The following FYCO1 variants were observed in gnomAD, a reference collection of about 807,000 sequenced individuals.
The protein encoded by FYCO1 is FYVE and coiled-coil domain autophagy adaptor 1.
In FYCO1, 122 loss-of-function variants were observed where a neutral mutation model predicts 165.1. The ratio of observed to expected loss-of-function variants is 0.74; its 90% confidence interval spans 0.64 to 0.86. The LOEUF (loss-of-function observed/expected upper bound fraction) is 0.86. Ranked by LOEUF, FYCO1 falls within the 40% of genes least tolerant of loss-of-function variation. FYCO1 has a pLI of 0.00. For synonymous variants in FYCO1, 648 were observed against 742.5 expected, an observed-to-expected ratio of 0.87 and a Z score of 2.07; for missense variants, 1,702 against 1,810.3, an observed-to-expected ratio of 0.94 and a Z score of 1.09.
intron 16 of FYCO1, among the ~76,000 whole-genome samples, chr3:45,930,179 G>A (rs543747844): frequency 1.3e-5 from 2 of 152,200 alleles, no homozygotes; most frequent in African/African-American, 2.4e-5. Context: ...AGTCCAGCAG[G>A]CCCAACGGCT....
chr3:45,959,555 C>A lies in FYCO1; in HGVS notation c.3438-13G>T. On this transcript the variant is annotated splice_polypyrimidine_tract_variant and intron_variant, in intron 11 of 17. Transcript: ENST00000296137. Reference sequence around the variant, plus strand: ...AGCATCCTTGTCCCTGGGACAAAACCACATTGGAAGAAAAGGAGAGAGAAT... The same window carrying A: ...AGCATCCTTGTCCCTGGGACAAAACAACATTGGAAGAAAAGGAGAGAGAAT... The A allele has an allele frequency of 5.6e-6, 9 of 1,613,158 alleles. No individual in the cohort carries two copies. Among genetic ancestry groups the A allele is most frequent in the Non-Finnish European group, 7.6e-6 (9 of 1,179,228 alleles).
intron 14 of FYCO1, chr3:45,947,405 C>T (rs375592370): frequency 1.9e-6 from 3 of 1,614,074 alleles, no homozygotes; most frequent in Non-Finnish European, 2.5e-6. Context: ...ACATTGGTTG[C>T]CTCCCTTACC....
At position 45,964,506 on chromosome 3, in the gene FYCO1, C is replaced by T. The variant is rs375964232; in HGVS notation, c.3151-52G>A. On this transcript the variant is annotated intron_variant, in intron 9 of 17. Transcript: ENST00000296137. The surrounding 1 kb of genome is among the most constrained non-coding windows in gnomAD (Gnocchi z 4.1). ...ACTCAGCTTGCAGAAGGCCATGCAA[C>T]GTACCATAAAGTGGCTGGTGTGCCA... 181 of 1,610,132 alleles carry T rather than the reference C, an allele frequency of 1.1e-4. No individual in the cohort carries two copies. The Middle Eastern group carries it at 2.2e-3, about 20-fold the overall frequency.
intron 1 of FYCO1, among the ~76,000 whole-genome samples, chr3:45,988,231 C>T (rs1334773216): frequency 6.6e-6 from 1 of 152,178 alleles, no homozygotes; most frequent in Non-Finnish European, 1.5e-5. Flanking sequence ...AGAACATGGT[C>T]ACCATGGGGA....
At position 45,920,059 on chromosome 3, in the gene FYCO1, C is replaced by A. The variant is rs1399315118; in HGVS notation, c.*1706G>T. On this transcript the variant is annotated 3_prime_UTR_variant, in exon 18 of 18. Transcript: ENST00000296137. ...GGCAACCTCTTTGAAAGGTTCTATTCCCTGTTCCCCATGCCTTGCTTAAAA... is the reference window on the plus strand; with the variant it reads ...GGCAACCTCTTTGAAAGGTTCTATTACCTGTTCCCCATGCCTTGCTTAAAA... The A allele has an allele frequency of 1.3e-5, 2 of 152,246 alleles. No individual in the cohort carries two copies. Among genetic ancestry groups the A allele is most frequent in the Admixed American group, 6.5e-5 (1 of 15,286 alleles). 9.4% of individuals were successfully genotyped at this position (152,246 alleles called of 1,614,324 possible). A position where few individuals can be genotyped will look rare whatever the true frequency, so the allele number is the denominator to read the frequency against.
intron 10 of FYCO1, among the ~76,000 whole-genome samples, chr3:45,963,128 C>A (rs921247229): frequency 2.6e-5 from 4 of 152,044 alleles, no homozygotes; most frequent in African/African-American, 4.8e-5. Flanking sequence ...ACACCTTCCA[C>A]ATCTAGTATA....
At chr3:45,990,059 A>G (rs148179364) in intron 1 of FYCO1, among the ~76,000 whole-genome samples, 2,532 of 152,346 alleles carry the variant, frequency 0.017, 32 homozygotes, top group Non-Finnish European at 0.025. Flanking sequence ...TAGATGGGGA[A>G]AAACTACAGA....
intron 15 of FYCO1, among the ~76,000 whole-genome samples, chr3:45,932,919 T>C (rs992553750): frequency 6.6e-6 from 1 of 152,238 alleles, no homozygotes; most frequent in African/African-American, 2.4e-5. Flanking sequence ...TCTTACCATA[T>C]TACCATGTAA....
In FYCO1 at chr3:45,931,274, C is replaced by A. The variant is rs370744751; in HGVS notation, c.4048G>T (p.Val1350Leu). ...LLKSGELMIK[V>L]PLTVDEIASF... ...GCGATCTCATCCACTGTGAGGGGTACTTTGATCCTAAAATAAAAATACAGA... is the reference window on the plus strand; with the variant it reads ...GCGATCTCATCCACTGTGAGGGGTAATTTGATCCTAAAATAAAAATACAGA... Residue 1350 changes from valine to leucine, a missense_variant, in exon 16 of 18, where the codon GTA (valine) becomes TTA (leucine). Transcript: ENST00000296137. 1.4e-5 allele frequency: 23 copies of A among 1,613,642 alleles called. No individual in the cohort carries two copies. The African/African-American group carries it at 2.5e-4, about 18-fold the overall frequency.
In FYCO1 at chr3:45,946,276, C is replaced by G. The variant is rs985368903; in HGVS notation, c.3944+8973G>C. On this transcript the variant is annotated intron_variant, in intron 14 of 17. Transcript: ENST00000296137. ...TTCAGGCTAATGGAGAGTCCTCATC[C>G]TGTCTGAGCAATTTCCCCTCAGAAT... 7.2e-6 allele frequency: 4 copies of G among 556,646 alleles called. No individual in the cohort carries two copies. The African/African-American group carries it at 7.5e-5, about 10-fold the overall frequency. 34.5% of individuals were successfully genotyped at this position (556,646 alleles called of 1,614,324 possible).
chr3:45,988,466 A>C (rs1056327577), intron 1 of FYCO1, among the ~76,000 whole-genome samples: 1 of 152,082 alleles, frequency 6.6e-6, no homozygotes, highest in African/African-American at 2.4e-5. Context: ...TGGCTCTCCT[A>C]ACTCAGGAGA....
At position 45,966,748 on chromosome 3, in the gene FYCO1, C is replaced by A; in HGVS notation, c.2586G>T (p.Glu862Asp). 1 of 1,610,888 alleles carries A rather than the reference C, an allele frequency of 6.2e-7. No homozygotes were observed. The highest frequency in any genetic ancestry group is 8.5e-7 in the Non-Finnish European group (1 of 1,179,972). ...GCAGCTCCTCCTCCCTCTGCTGGGC[C>A]TCATCGGCCCTCTCCTCCTGCAGTG... ...EGALQEERAD[E>D]AQQREEELRA... Residue 862 changes from glutamate (E) to aspartate (D), a missense_variant, in exon 8 of 18, where the codon GAG (glutamate) becomes GAT (aspartate). Physicochemically the swap from Glu to Asp is conservative, Grantham distance 45. Coordinates refer to ENST00000296137, the MANE Select transcript of FYCO1 (RefSeq NM_024513.4).
At chr3:45,969,116 C>T (rs928472807) in intron 7 of FYCO1, among the ~76,000 whole-genome samples, 4 of 152,204 alleles carry the variant, frequency 2.6e-5, no homozygotes, top group African/African-American at 9.6e-5. Context: ...ACTCTTAATG[C>T]TCCTTATATT....
chr3:45,926,206 A>C (rs955909629), intron 16 of FYCO1, among the ~76,000 whole-genome samples: 12 of 152,238 alleles, frequency 7.9e-5, no homozygotes, highest in African/African-American at 2.7e-4. Context: ...CATTCCAATG[A>C]AAAGGCAGAG....
intron 14 of FYCO1, among the ~76,000 whole-genome samples, chr3:45,953,645 G>A (rs1335650598): frequency 6.9e-6 from 1 of 145,610 alleles, no homozygotes; most frequent in Non-Finnish European, 1.5e-5. Context: ...TTGTCCCTCT[G>A]AAGCCTGCTC....
At chr3:45,992,452 G>A (rs186719755) in intron 1 of FYCO1, among the ~76,000 whole-genome samples, 1 of 152,114 alleles carries the variant, frequency 6.6e-6, no homozygotes, top group East Asian at 1.9e-4. Flanking sequence ...TTGTCAAATG[G>A]GACCCTATTT....
rs768077790 is a variant in FYCO1, at chr3:45,960,375, A to G, written c.3438-833T>C. 3.0e-4 allele frequency among the ~76,000 whole-genome samples: 45 copies of G among 152,324 alleles called. No individual in the cohort carries two copies. The Middle Eastern group carries it at 0.02, about 69-fold the overall frequency. ...CTCCATCACTGACCAGGAACTCCCA[A>G]TCAACCCCAGATCTTTTGCCTTAAA... On this transcript the variant is annotated intron_variant, in intron 11 of 17. Transcript: ENST00000296137.
chr3:45,964,344 G>A lies in FYCO1; in HGVS notation c.3261C>T (p.Asp1087=), dbSNP rs867458816. 1.2e-6 allele frequency: 2 copies of A among 1,613,134 alleles called. No homozygotes were observed. Among genetic ancestry groups the A allele is most frequent in the Non-Finnish European group, 1.7e-6 (2 of 1,179,076 alleles). Residue 1087 remains aspartate (D), a synonymous_variant, in exon 10 of 18, where the codon GAC becomes GAT. Coordinates refer to ENST00000296137, the MANE Select transcript of FYCO1 (RefSeq NM_024513.4). This position sits in a 1 kb window ranked among gnomAD's most constrained non-coding sequence, Gnocchi z 4.1. ...GGTGGACTGTGACTAACCTTTCTAG[G>A]TCTTCACGCAGGGCAGCCCCCTCCT... ...KDKEGAALRE[D]LERTQKELEK...
At chr3:45,939,598 C>T (rs1704099243) in intron 14 of FYCO1, among the ~76,000 whole-genome samples, 1 of 152,184 alleles carries the variant, frequency 6.6e-6, no homozygotes, top group African/African-American at 2.4e-5. Context: ...GAACAGATGC[C>T]TGGAAAATCC....
Sources: allele counts gnomAD v4.1 joint callset (sites outside exome capture counted in the v4.1 genomes callset), GRCh38; gene constraint gnomAD v4.1.1; non-coding constraint Gnocchi (gnomAD v3.1); transcripts MANE v1.5; gene names NCBI Gene and HGNC (gene_info 2026-07-23, HGNC 2026-07-21).